DOCK8: variants seen among roughly 807,000 people sequenced by gnomAD.
DOCK8 encodes the protein dedicator of cytokinesis protein 8.
A neutral mutation model predicts 245.6 loss-of-function variants in DOCK8; 141 were observed. The ratio of observed to expected loss-of-function variants is 0.57; its 90% confidence interval spans 0.50 to 0.66. The LOEUF (loss-of-function observed/expected upper bound fraction) is 0.66. Among genes scored for constraint, DOCK8 ranks in the 30% least tolerant of loss-of-function variants. The pLI, the probability that DOCK8 is intolerant of heterozygous loss-of-function variation, is 0.00. For synonymous variants in DOCK8, 1,168 were observed against 970.2 expected (o/e 1.20, Z -3.79); for missense variants, 2,965 against 2,603.4 (o/e 1.14, Z -3.02).
At chr9:247,658 C>G (rs932848814) in intron 1 of DOCK8, among the ~76,000 whole-genome samples, 1 of 152,034 alleles carries the variant, frequency 6.6e-6, no homozygotes, top group Non-Finnish European at 1.5e-5. Context: ...CTCAGCCTCC[C>G]GAGTAGCTGG....
At chr9:390,797 G>A (rs934046546) in intron 24 of DOCK8, among the ~76,000 whole-genome samples, 4 of 151,966 alleles carry the variant, frequency 2.6e-5, no homozygotes, top group African/African-American at 7.3e-5. Context: ...CTCTCCACCT[G>A]GCCACACACC....
At chr9:255,666 TCCAAAA>T (rs58039000) in intron 1 of DOCK8, among the ~76,000 whole-genome samples, 43,355 of 103,772 alleles carry the variant, frequency 0.42, 7,926 homozygotes, top group East Asian at 0.79. Context: ...AGACTCCATC[TCCAAAA>T]AAAAAAAAAA....
intron 1 of DOCK8, among the ~76,000 whole-genome samples, chr9:255,532 G>T (rs2047747461): frequency 2.6e-5 from 4 of 152,032 alleles, no homozygotes; most frequent in Admixed American, 2.6e-4. Context: ...GCCAGGCGTG[G>T]TGGCACTTGC....
intron 45 of DOCK8, among the ~76,000 whole-genome samples, chr9:451,062 C>G (rs140875105): frequency 2.0e-5 from 3 of 151,974 alleles, no homozygotes; most frequent in African/African-American, 7.3e-5. Context: ...CCTATAATCC[C>G]AGCACTGTGG....
At position 304,677 on chromosome 9, in the gene DOCK8, C is replaced by A; in HGVS notation, c.501C>A (p.Thr167=). The A allele has an allele frequency of 6.2e-7, 1 of 1,614,144 alleles. No homozygotes were observed. The highest frequency in any genetic ancestry group is 1.1e-5 in the South Asian group (1 of 91,082). The part of the protein sequence containing the change: ...TLPKQTFESE[T]LECSEPAAQA... ...CGAAACAGACGTTTGAGTCGGAAAC[C>A]TTGGAGTGCAGTGAACCCGCTGCTC... Residue 167 remains threonine (T), a synonymous_variant, in exon 5 of 48, where the codon ACC becomes ACA. Coordinates refer to ENST00000432829, the MANE Select transcript of DOCK8 (RefSeq NM_203447.4).
chr9:289,176 T>C (rs557333497), intron 3 of DOCK8, among the ~76,000 whole-genome samples: 1 of 152,192 alleles, frequency 6.6e-6, no homozygotes, highest in Non-Finnish European at 1.5e-5. Flanking sequence ...CAGAGATAGG[T>C]ATTTATACTT....
At chr9:216,451 G>C (rs929954681) in intron 1 of DOCK8, among the ~76,000 whole-genome samples, 1 of 146,764 alleles carries the variant, frequency 6.8e-6, no homozygotes, top group Non-Finnish European at 1.5e-5. Context: ...CAAGAGCATC[G>C]CTTGAGCCCA....
At chr9:403,082 G>T (rs183399984) in intron 26 of DOCK8, among the ~76,000 whole-genome samples, 70 of 152,176 alleles carry the variant, frequency 4.6e-4, no homozygotes, top group Non-Finnish European at 6.6e-4. Flanking sequence ...TAGAGACAGG[G>T]TTTCACCATG....
intron 29 of DOCK8, 58 bp downstream of exon 29, chr9:415,009 TC>T: frequency 6.3e-7 from 1 of 1,599,292 alleles, no homozygotes; most frequent in Non-Finnish European, 8.6e-7. Flanking sequence ...AAATGCCCCA[TC>T]CGAATGAGAT....
At chr9:290,424 A>G (rs1204331336) in intron 4 of DOCK8, among the ~76,000 whole-genome samples, 1 of 152,204 alleles carries the variant, frequency 6.6e-6, no homozygotes. Context: ...TCTAATTCTG[A>G]TGAATTCCCA....
chr9:301,022 C>T (rs2049520778), intron 4 of DOCK8, among the ~76,000 whole-genome samples: 1 of 152,184 alleles, frequency 6.6e-6, no homozygotes, highest in Non-Finnish European at 1.5e-5. Flanking sequence ...ATACCAAAAC[C>T]TGGGAGAGAC....
chr9:406,781 C>A, intron 27 of DOCK8, 149 bp from the exon 28 acceptor site: 1 of 952,258 alleles, frequency 1.1e-6, no homozygotes, highest in East Asian at 2.4e-5. Context: ...GCCTCAGTTT[C>A]CTTGTCCGCC....
chr9:448,165 T>C (rs1041596490), intron 44 of DOCK8, among the ~76,000 whole-genome samples: 1 of 152,198 alleles, frequency 6.6e-6, no homozygotes, highest in Admixed American at 6.5e-5. Context: ...TGAACATGGC[T>C]CACTGCAGCC....
At chr9:429,982 A>G in intron 36 of DOCK8, 128 bp downstream of exon 36, 1 of 1,161,242 alleles carries the variant, frequency 8.6e-7, no homozygotes. Context: ...AGAAAGAAAC[A>G]ATTGAGTATG....
chr9:412,041 C>T (rs988671598), intron 28 of DOCK8, among the ~76,000 whole-genome samples: 3 of 152,136 alleles, frequency 2.0e-5, no homozygotes, highest in African/African-American at 4.8e-5. Flanking sequence ...ACAAAAATGT[C>T]TACCCTTGCC....
chr9:432,330 C>G lies in DOCK8; in HGVS notation c.4785+6C>G, dbSNP rs7036567. ...TGACTCCTTTTCCCACCCAGGTACA[C>G]CGAAGCACATACCTTGTCTCATGCA... On this transcript the variant is annotated splice_donor_region_variant and intron_variant, in intron 37 of 47. Transcript: ENST00000432829. 0.76 allele frequency: 1,220,504 copies of G among 1,613,316 alleles called. 466,623 individuals carry two copies. The highest frequency in any genetic ancestry group is 0.98 in the East Asian group (43,988 of 44,862).
At chr9:440,485 AATT>A in intron 40 of DOCK8, among the ~76,000 whole-genome samples, 1 of 152,060 alleles carries the variant, frequency 6.6e-6, no homozygotes, top group South Asian at 2.1e-4. Context: ...TATTTATTTT[AATT>A]ATTGTTTTAA....
intron 47 of DOCK8, among the ~76,000 whole-genome samples, chr9:463,905 C>T (rs2057891605): frequency 6.6e-6 from 1 of 152,174 alleles, no homozygotes; most frequent in Non-Finnish European, 1.5e-5. Flanking sequence ...TGGTGTTGGT[C>T]TTGTGCCAGG....
chr9:370,416 C>T lies in DOCK8; in HGVS notation c.1868+116C>T, dbSNP rs536189423. ...TTTTTATAATTCAGGGACTGAGGGGCAAAGGAAATCCATGCCAGTTCCGTG... is the reference window on the plus strand; with the variant it reads ...TTTTTATAATTCAGGGACTGAGGGGTAAAGGAAATCCATGCCAGTTCCGTG... On this transcript the variant is annotated intron_variant, in intron 16 of 47. Coordinates refer to ENST00000432829, the MANE Select transcript of DOCK8 (RefSeq NM_203447.4). 1.4e-5 allele frequency: 12 copies of T among 884,254 alleles called. No homozygotes were observed. In the East Asian group the frequency reaches 2.3e-4, roughly 17 times the overall value. The allele number at this position is 884,254 out of a possible 1,614,324, so 54.8% of individuals were successfully genotyped here.
Sources: allele counts gnomAD v4.1 joint callset (sites outside exome capture counted in the v4.1 genomes callset), GRCh38; gene constraint gnomAD v4.1.1; transcripts MANE v1.5; gene names NCBI Gene and HGNC (gene_info 2026-07-23, HGNC 2026-07-21).